HHIPL1: variants seen among roughly 807,000 people sequenced by gnomAD.
The protein encoded by HHIPL1 is HHIP-like protein 1.
HHIPL1 carries 43 observed loss-of-function variants against 61.8 expected under a neutral mutation model. The observed-to-expected ratio is 0.70, with a 90% CI of 0.55 to 0.90. The LOEUF is 0.90. Among genes scored for constraint, HHIPL1 ranks in the 40% least tolerant of loss-of-function variants. HHIPL1 has a pLI of 0.00. For synonymous variants in HHIPL1, 482 were observed against 515.8 expected (o/e 0.93, Z 0.89); for missense variants, 1,056 against 1,157.7 (o/e 0.91, Z 1.28).
At chr14:99,614,789 C>T in the HHIPL1 span, among the ~76,000 whole-genome samples, 1 of 152,216 alleles carries the variant, frequency 6.6e-6, no homozygotes, top group South Asian at 2.1e-4. Flanking sequence ...CTGGAGGGGA[C>T]GAGGGTTTCC....
At chr14:99,609,999 G>C in the HHIPL1 span, among the ~76,000 whole-genome samples, 13 of 151,706 alleles carry the variant, frequency 8.6e-5, no homozygotes, top group Admixed American at 6.6e-5. Context: ...TTTGAGGCCA[G>C]GCAGGCCAGA....
At chr14:99,650,250 A>G (rs1246730549) in intron 1 of HHIPL1, among the ~76,000 whole-genome samples, 1 of 152,144 alleles carries the variant, frequency 6.6e-6, no homozygotes, top group Non-Finnish European at 1.5e-5. Context: ...CAAACGTCCC[A>G]GAGGCCTCTT....
Position 99,645,146 on chromosome 14 carries a change from G to A in HHIPL1, c.-62G>A. ...GCGCCCGCCCCTTCCCTGCCGCCGCGAGCGCCCCGGGAGGGGACCGGGGCT... is the reference window on the plus strand; with the variant it reads ...GCGCCCGCCCCTTCCCTGCCGCCGCAAGCGCCCCGGGAGGGGACCGGGGCT... On this transcript the variant is annotated 5_prime_UTR_variant, in exon 1 of 9. Transcript: ENST00000330710. 3.2e-6 allele frequency: 4 copies of A among 1,237,868 alleles called. No individual in the cohort carries two copies. Among genetic ancestry groups the A allele is most frequent in the Non-Finnish European group, 4.0e-6 (4 of 990,262 alleles). The allele number at this position is 1,237,868 out of a possible 1,614,324, so 76.7% of individuals were successfully genotyped here. A position where few individuals can be genotyped will look rare whatever the true frequency, so the allele number is the denominator to read the frequency against.
chr14:99,659,844 G>GCCCC (rs1314756310), intron 4 of HHIPL1, 88 bp downstream of exon 4: 17 of 308,116 alleles, frequency 5.5e-5, no homozygotes, highest in Admixed American at 1.3e-4. Context: ...CTCGGAGACC[G>GCCCC]CACCCCCCCC....
intron 6 of HHIPL1, among the ~76,000 whole-genome samples, chr14:99,664,734 G>T (rs1204047552): frequency 5.9e-5 from 9 of 152,006 alleles, no homozygotes; most frequent in Admixed American, 4.6e-4. Context: ...CAGGAAGGTG[G>T]CTCAGTGTCC....
the HHIPL1 span, among the ~76,000 whole-genome samples, chr14:99,624,490 G>A: frequency 3.9e-5 from 6 of 152,108 alleles, no homozygotes; most frequent in East Asian, 1.9e-4. Flanking sequence ...CCATATGGTC[G>A]GGCATTTACA....
Position 99,668,294 on chromosome 14 carries a change from A to G in HHIPL1, c.1721A>G (p.Asp574Gly). The change falls in exon 7 of 9, where the codon GAC (aspartate) becomes GGC (glycine). Residue 574 changes from aspartate (D) to glycine (G), a missense_variant. Physicochemically the swap from Asp to Gly is moderately conservative, Grantham distance 94. Transcript: ENST00000330710. This position sits in a 1 kb window ranked among gnomAD's most constrained non-coding sequence, Gnocchi z 4.7. ...APRGVVYKII[D>G]ASRRAPPGKC... is the part of the protein sequence containing the mutation. The stretch of plus-strand genomic sequence containing the variant: ...CGCGGAGTTGTCTACAAAATAATTG[A>G]CGCATCCAGGTGAGTCCCAGCCTCC... 1 of 1,607,260 alleles carries G rather than the reference A, an allele frequency of 6.2e-7. No individual in the cohort carries two copies. Among genetic ancestry groups the G allele is most frequent in the Non-Finnish European group, 8.5e-7 (1 of 1,173,970 alleles).
At chr14:99,618,562 G>A in the HHIPL1 span, among the ~76,000 whole-genome samples, 1 of 152,236 alleles carries the variant, frequency 6.6e-6, no homozygotes, top group Non-Finnish European at 1.5e-5. Flanking sequence ...TACCTCTCCA[G>A]CCCTGAACTG....
At chr14:99,637,260 GAAA>G in the HHIPL1 span, among the ~76,000 whole-genome samples, 14 of 145,488 alleles carry the variant, frequency 9.6e-5, no homozygotes, top group African/African-American at 3.6e-4. Flanking sequence ...AAGAAAGAAA[GAAA>G]GAAAAAGTGT....
chr14:99,651,019 C>T (rs1033120501), intron 1 of HHIPL1, among the ~76,000 whole-genome samples: 27 of 152,190 alleles, frequency 1.8e-4, no homozygotes, highest in Non-Finnish European at 3.5e-4. Flanking sequence ...GAGGCTGAAG[C>T]GGGAAGATGG....
At chr14:99,669,844 G>A (rs75110790) in intron 7 of HHIPL1, among the ~76,000 whole-genome samples, 3,172 of 152,272 alleles carry the variant, frequency 0.021, 47 homozygotes, top group Non-Finnish European at 0.032. Context: ...AGGATCACTC[G>A]AACTCAGGAG....
At chr14:99,661,405 G>A (rs2056149171) in intron 5 of HHIPL1, among the ~76,000 whole-genome samples, 4 of 128,934 alleles carry the variant, frequency 3.1e-5, no homozygotes, top group African/African-American at 5.5e-5. Flanking sequence ...GAGAAAGAAA[G>A]AGAGAGAGAG....
the HHIPL1 span, among the ~76,000 whole-genome samples, chr14:99,629,469 G>A: frequency 2.0e-5 from 3 of 151,876 alleles, no homozygotes; most frequent in Non-Finnish European, 2.9e-5. Flanking sequence ...GCACAGGGTA[G>A]GAGGGACCCG....
chr14:99,633,302 C>T, the HHIPL1 span, among the ~76,000 whole-genome samples: 12 of 152,234 alleles, frequency 7.9e-5, no homozygotes, highest in African/African-American at 2.9e-4. Context: ...TGCCTTTCTG[C>T]CTTGTGGTTT....
chr14:99,605,292 G>A, the HHIPL1 span, among the ~76,000 whole-genome samples: 2 of 150,996 alleles, frequency 1.3e-5, no homozygotes. Context: ...CGGGACCCCC[G>A]GGCTTCCCAC....
chr14:99,618,977 T>C, the HHIPL1 span, among the ~76,000 whole-genome samples: 13 of 152,230 alleles, frequency 8.5e-5, no homozygotes, highest in African/African-American at 3.1e-4. Flanking sequence ...CTCTGGGCAC[T>C]GGGATGTACT....
chr14:99,657,737 A>C (rs2056072432), intron 3 of HHIPL1, among the ~76,000 whole-genome samples: 1 of 151,022 alleles, frequency 6.6e-6, no homozygotes, highest in African/African-American at 2.5e-5. Context: ...ATATATACAC[A>C]CATACACACA....
At chr14:99,606,457 G>C in the HHIPL1 span, among the ~76,000 whole-genome samples, 6 of 152,318 alleles carry the variant, frequency 3.9e-5, no homozygotes, top group East Asian at 9.6e-4. Flanking sequence ...GTAAACGTTG[G>C]ATACACCATA....
At chr14:99,644,507 G>A (rs1358896571), upstream of HHIPL1, among the ~76,000 whole-genome samples, 14 of 152,110 alleles carry the variant, frequency 9.2e-5, no homozygotes, top group Non-Finnish European at 1.9e-4. Flanking sequence ...AGCGGGGGCA[G>A]CGGAACAAAG....
Sources: gnomAD v4.1 joint callset for allele counts (sites outside exome capture counted in the v4.1 genomes callset) on GRCh38, gnomAD v4.1.1 for gene constraint, Gnocchi (gnomAD v3.1) non-coding constraint, MANE v1.5 for transcripts, NCBI Gene and HGNC (gene_info 2026-07-23, HGNC 2026-07-21) for gene names.